Variants in DMD observed in about 807,000 individuals in gnomAD.
DMD encodes the protein mutant dystrophin.
In DMD, 63 loss-of-function variants were observed where a neutral mutation model predicts 330.1. The observed-to-expected ratio is 0.19, with a 90% confidence interval of 0.16 to 0.24. The LOEUF is 0.24. DMD is among the 10% of genes least tolerant of loss of function. DMD has a pLI of 1.00. For missense variants in DMD, 3,344 were observed against 2,684.1 expected (o/e 1.25, Z -5.43); for synonymous variants, 1,223 against 959.8 (o/e 1.27, Z -5.07).
chrX:31,508,159 AC>A (rs757473351), intron 55 of DMD: 17 of 1,036,511 alleles, frequency 1.6e-5, no homozygotes, highest in Admixed American at 2.3e-5. Context: ...ATTCAACTTC[AC>A]TTGTATACAC....
intron 18 of DMD, among the ~76,000 whole-genome samples, chrX:32,510,636 ATAT>A (rs2045196093): frequency 9.0e-6 from 1 of 111,399 alleles, no homozygotes; most frequent in African/African-American, 3.3e-5. Context: ...TCCATATACA[ATAT>A]TATGGTCTCT....
chrX:32,574,077 A>T (rs1377165064), intron 13 of DMD, among the ~76,000 whole-genome samples: 1 of 112,078 alleles, frequency 8.9e-6, no homozygotes, highest in African/African-American at 3.2e-5. Context: ...AGCAATATGA[A>T]GTGGTTATTA....
intron 2 of DMD, among the ~76,000 whole-genome samples, chrX:32,951,327 C>T (rs12014923): frequency 0.069 from 7,663 of 111,188 alleles, 225 homozygotes; most frequent in African/African-American, 0.11. Flanking sequence ...GCCCTACAGA[C>T]TCTGTCCGAG....
intron 44 of DMD, among the ~76,000 whole-genome samples, chrX:31,991,657 G>A (rs1381920198): frequency 9.2e-6 from 1 of 109,135 alleles, no homozygotes; most frequent in Admixed American, 9.9e-5. Flanking sequence ...ACAAAGGTGA[G>A]GTCAGAGTGA....
chrX:32,423,697 C>A (rs1172941227), intron 29 of DMD, among the ~76,000 whole-genome samples: 2 of 110,330 alleles, frequency 1.8e-5, no homozygotes, highest in East Asian at 2.9e-4. Flanking sequence ...TTACTACTTA[C>A]AAAGAAAAAA....
At chrX:31,913,415 T>C (rs1167960556) in intron 47 of DMD, among the ~76,000 whole-genome samples, 2 of 111,904 alleles carry the variant, frequency 1.8e-5, no homozygotes, top group South Asian at 3.7e-4. Context: ...CTACGTGATA[T>C]ACTAGTATGC....
At chrX:31,356,655 G>T (rs758778215) in intron 60 of DMD, among the ~76,000 whole-genome samples, 1 of 111,954 alleles carries the variant, frequency 8.9e-6, no homozygotes, top group African/African-American at 3.2e-5. Flanking sequence ...TCACCTCACC[G>T]ATTTCTAAAA....
At chrX:33,294,801 A>G (rs2053561958) in intron 1 of DMD, among the ~76,000 whole-genome samples, 1 of 110,733 alleles carries the variant, frequency 9.0e-6, no homozygotes, top group Non-Finnish European at 1.9e-5. Context: ...TGATTTTAAG[A>G]CTAGCTCTTA....
intron 44 of DMD, among the ~76,000 whole-genome samples, chrX:32,143,182 T>C (rs2096761750): frequency 9.0e-6 from 1 of 111,453 alleles, no homozygotes; most frequent in Non-Finnish European, 1.9e-5. Context: ...TCAATATAAA[T>C]ATATTGAATG....
chrX:31,570,306 T>A (rs926193227), intron 55 of DMD, among the ~76,000 whole-genome samples: 14 of 111,649 alleles, frequency 1.3e-4, no homozygotes, highest in Admixed American at 1.1e-3. Context: ...TGACATCATA[T>A]CACAGGAGAC....
chrX:31,805,344 T>C (rs1284317993), intron 50 of DMD, among the ~76,000 whole-genome samples: 2 of 112,198 alleles, frequency 1.8e-5, no homozygotes, highest in East Asian at 5.6e-4. Context: ...TGTACAAGTA[T>C]GCCATTTCAA....
chrX:32,675,945 A>C (rs1410956195), intron 9 of DMD, among the ~76,000 whole-genome samples: 1 of 111,552 alleles, frequency 9.0e-6, no homozygotes, highest in Non-Finnish European at 1.9e-5. Context: ...TTCATTATCT[A>C]AGATCAACAC....
intron 60 of DMD, among the ~76,000 whole-genome samples, chrX:31,369,927 G>A (rs1376843464): frequency 2.7e-5 from 3 of 109,647 alleles, no homozygotes; most frequent in Non-Finnish European, 3.8e-5. Context: ...GTGAAACCCC[G>A]TCTCTACTAA....
At chrX:31,307,569 C>A (rs7883483) in intron 62 of DMD, among the ~76,000 whole-genome samples, 46,017 of 109,433 alleles carry the variant, frequency 0.42, 6,995 homozygotes, top group Admixed American at 0.54. Context: ...ACCTTTAAAA[C>A]GATATCATGA....
chrX:33,083,241 G>A (rs1000527171), intron 1 of DMD, among the ~76,000 whole-genome samples: 5 of 112,174 alleles, frequency 4.5e-5, no homozygotes, highest in African/African-American at 1.3e-4. Context: ...ACCATTTTAT[G>A]GAACCATAAA....
At chrX:32,680,792 GCACACACACACAGAAACACATA>G (rs1199313885) in intron 9 of DMD, among the ~76,000 whole-genome samples, 2 of 107,521 alleles carry the variant, frequency 1.9e-5, no homozygotes, top group African/African-American at 3.5e-5. Flanking sequence ...TTTCTCCCCA[GCACACACACACAGAAACACATA>G]CACACACACA....
chrX:32,178,940 TTCTCTCTCTCTCTCTCTCTCTCTCTCTC>T (rs528690053), intron 44 of DMD, among the ~76,000 whole-genome samples: 1 of 68,616 alleles, frequency 1.5e-5, no homozygotes, highest in South Asian at 9.7e-4. Flanking sequence ...AAACCCCAGA[TTCTCTCTCTCTCTCTCTCTCTCTCTCTC>T]TCTCTCTCTC....
chrX:33,334,962 G>T (rs1179417324), intron 1 of DMD, among the ~76,000 whole-genome samples: 1 of 111,070 alleles, frequency 9.0e-6, no homozygotes, highest in African/African-American at 3.3e-5. Flanking sequence ...AACATTAACT[G>T]GAAGAATACT....
chrX:31,278,392 G>A (rs1053684600), intron 62 of DMD, among the ~76,000 whole-genome samples: 1 of 111,220 alleles, frequency 9.0e-6, no homozygotes, highest in Non-Finnish European at 1.9e-5. Flanking sequence ...AGATTCAGGA[G>A]GGGGAGCAAG....
Sources: allele counts gnomAD v4.1 joint callset (sites outside exome capture counted in the v4.1 genomes callset), GRCh38; gene constraint gnomAD v4.1.1; transcripts MANE v1.5; gene names NCBI Gene and HGNC (gene_info 2026-07-23, HGNC 2026-07-21).